Variants in ODAM observed in about 807,000 individuals in gnomAD.
The protein encoded by ODAM is odontogenic, ameloblast associated.
Under a neutral mutation model 48.5 loss-of-function variants are expected in ODAM, and 55 were observed. That is an observed-to-expected ratio of 1.13 (90% CI 0.91 to 1.42). ODAM has a LOEUF of 1.42. Among genes scored for constraint, ODAM ranks in the 40% most tolerant of loss-of-function variants. ODAM has a pLI of 0.00. For synonymous variants in ODAM, 127 were observed against 107.8 expected (o/e 1.18, Z -1.10); for missense variants, 353 against 323.6 (o/e 1.09, Z -0.70).
At chr4:70,203,572 A>G (rs1156427977) in intron 11 of ODAM, among the ~76,000 whole-genome samples, 1 of 151,940 alleles carries the variant, frequency 6.6e-6, no homozygotes, top group Non-Finnish European at 1.5e-5. Context: ...ATATATCTGT[A>G]TTAGTTTGAA....
At chr4:70,197,445 T>C in intron 4 of ODAM, 124 bp downstream of exon 4, 1 of 711,688 alleles carries the variant, frequency 1.4e-6, no homozygotes, top group Non-Finnish European at 2.5e-6. Context: ...ACATTATGAA[T>C]TTGTCTCATA....
At chr4:70,204,037 T>C (rs1332986406) in intron 11 of ODAM, 138 bp from the exon 12 acceptor site, 3 of 152,042 alleles carry the variant, frequency 2.0e-5, no homozygotes, top group Non-Finnish European at 4.4e-5. Flanking sequence ...AGTATTTTTA[T>C]GACCTTTTTT....
chr4:70,197,343 C>A, intron 4 of ODAM, 22 bp downstream of exon 4: 1 of 1,272,814 alleles, frequency 7.9e-7, no homozygotes, highest in Non-Finnish European at 1.1e-6. Flanking sequence ...TCAATAATTA[C>A]TTTATGGGGA....
Position 70,198,078 on chromosome 4 carries a change from T to C in ODAM, c.296T>C (p.Phe99Ser), listed in dbSNP as rs773481430. ...NQIPLTGEAS[F>S]AQGAQAGQVD... The stretch of plus-strand genomic sequence containing the variant: ...ATACCCTTAACAGGAGAGGCCAGTT[T>C]TGCCCAAGGAGCCCAGGCAGGCCAA... The change falls in exon 5 of 12, where the codon TTT (phenylalanine) becomes TCT (serine). Residue 99 changes from phenylalanine (F) to serine (S), a missense_variant. Transcript: ENST00000683306. 37 of 1,613,238 alleles carry C rather than the reference T, an allele frequency of 2.3e-5. No homozygotes were observed. Among genetic ancestry groups the C allele is most frequent in the Non-Finnish European group, 2.9e-5 (34 of 1,179,546 alleles).
At chr4:70,199,728 T>G (rs545184419) in intron 6 of ODAM, among the ~76,000 whole-genome samples, 1 of 152,166 alleles carries the variant, frequency 6.6e-6, no homozygotes, top group South Asian at 2.1e-4. Context: ...TGAGTTTGAT[T>G]CTTAGCCAGG....
At position 70,203,002 on chromosome 4, in the gene ODAM, A is replaced by G. The variant is rs181145426; in HGVS notation, c.810+85A>G. 174 of 1,400,092 alleles carry G rather than the reference A, an allele frequency of 1.2e-4. 1 individual carries two copies. The East Asian group carries it at 3.1e-3, about 25-fold the overall frequency. 86.7% of individuals were successfully genotyped at this position (1,400,092 alleles called of 1,614,324 possible). On this transcript the variant is annotated intron_variant, in intron 10 of 11. Coordinates refer to ENST00000683306, the MANE Select transcript of ODAM (RefSeq NM_017855.4). ...TAAAATTAGTGCTTTAATTTATAGG[A>G]CTTAGTCATGAAATTAAGAAGATAA...
chr4:70,201,358 T>C, intron 7 of ODAM, 96 bp from the exon 8 acceptor site: 1 of 605,262 alleles, frequency 1.7e-6, no homozygotes, highest in Non-Finnish European at 2.9e-6. Flanking sequence ...TTTTAACTTA[T>C]ATAAAAAGAT....
intron 11 of ODAM, among the ~76,000 whole-genome samples, chr4:70,203,884 G>A (rs568552232): frequency 3.5e-4 from 53 of 151,954 alleles, no homozygotes; most frequent in African/African-American, 1.1e-3. Flanking sequence ...AAATGAGCAC[G>A]CAGCATTCTT....
intron 9 of ODAM, 139 bp downstream of exon 9, chr4:70,202,468 C>T: frequency 2.6e-6 from 2 of 768,280 alleles, no homozygotes; most frequent in Non-Finnish European, 4.4e-6. Flanking sequence ...AATATTTTGC[C>T]AGTAAAGATT....
rs1016736080 is a variant in ODAM at position 70,204,212 on chromosome 4, G to A, written c.*67G>A. 2 of 151,760 alleles carry A rather than the reference G, an allele frequency of 1.3e-5. No individual in the cohort carries two copies. Among genetic ancestry groups the A allele is most frequent in the African/African-American group, 4.8e-5 (2 of 41,316 alleles). 9.4% of individuals were successfully genotyped at this position (151,760 alleles called of 1,614,324 possible). A position where few individuals can be genotyped will look rare whatever the true frequency, so the allele number is the denominator to read the frequency against. ...GGCCATGCCTTGGATATAATTTTAG[G>A]CTATTAGCTTCCTCAATACTAGTAT... On this transcript the variant is annotated 3_prime_UTR_variant, in exon 12 of 12. Transcript: ENST00000683306.
At chr4:70,197,132 T>C (rs1049187668) in intron 3 of ODAM, 142 bp from the exon 4 acceptor site, 6 of 614,778 alleles carry the variant, frequency 9.8e-6, no homozygotes, top group Admixed American at 3.0e-5. Flanking sequence ...TGTAATTTAA[T>C]GTAAGCCTAG....
intron 2 of ODAM, 33 bp from the exon 3 acceptor site, chr4:70,196,659 T>A (rs756956184): frequency 1.2e-6 from 2 of 1,602,576 alleles, no homozygotes; most frequent in Non-Finnish European, 1.7e-6. Context: ...TTCTTTTTAC[T>A]ATTTCTGATT....
intron 9 of ODAM, 115 bp from the exon 10 acceptor site, chr4:70,202,641 C>CTT (rs3841634): frequency 1.4e-6 from 1 of 735,546 alleles, no homozygotes; most frequent in Non-Finnish European, 2.2e-6. Flanking sequence ...AATAGCAACT[C>CTT]TTTTTTTAAT....
At position 70,196,553 on chromosome 4, in the gene ODAM, A is replaced by G. The variant is rs1359371321; in HGVS notation, c.10A>G (p.Ile4Val). 10 of 1,584,826 alleles carry G rather than the reference A, an allele frequency of 6.3e-6. No individual in the cohort carries two copies. Among genetic ancestry groups the G allele is most frequent in the Non-Finnish European group, 8.6e-6 (10 of 1,158,938 alleles). The change falls in exon 2 of 12, where the codon ATA (isoleucine) becomes GTA (valine). Residue 4 changes from isoleucine to valine, a missense_variant. Transcript: ENST00000683306. MKIIILLGFLGATL... is the reference protein window; with the variant it reads MKIVILLGFLGATL... ...GATATATCATACGAAAATGAAAATTATAATTCTTCTTGGATTCCTGGGAGC... is the reference window on the plus strand; with the variant it reads ...GATATATCATACGAAAATGAAAATTGTAATTCTTCTTGGATTCCTGGGAGC...
intron 4 of ODAM, chr4:70,197,635 G>C (rs1219662104): frequency 1.3e-5 from 7 of 540,786 alleles, no homozygotes; most frequent in African/African-American, 1.9e-5. Context: ...CAGGTTTAGG[G>C]TTAAGGTAGG....
At chr4:70,197,526 C>A (rs965248512) in intron 4 of ODAM, among the ~76,000 whole-genome samples, 2 of 151,950 alleles carry the variant, frequency 1.3e-5, no homozygotes, top group Non-Finnish European at 1.5e-5. Context: ...TTATTGAGAA[C>A]TTGGTATATG....
rs1560482458 is a variant in ODAM, at chr4:70,196,696, T to C, written c.56T>C (p.Ile19Thr). 8.7e-6 allele frequency: 14 copies of C among 1,608,192 alleles called. No homozygotes were observed. The highest frequency in any genetic ancestry group is 1.2e-5 in the Non-Finnish European group (14 of 1,177,004). ...FLGATLSAPL[I>T]PQRLMSASNS... The stretch of plus-strand genomic sequence containing the variant: ...TTTTTTCATTTTTACTTTTAGCTTA[T>C]CCCACAGCGTCTCATGTCTGCCAGC... Residue 19 changes from isoleucine to threonine, a missense_variant, in exon 3 of 12, where the codon ATC becomes ACC. Transcript: ENST00000683306.
At position 70,202,820 on chromosome 4, in the gene ODAM, G is replaced by A; in HGVS notation, c.713G>A (p.Gly238Glu). 1 of 1,611,958 alleles carries A rather than the reference G, an allele frequency of 6.2e-7. No individual in the cohort carries two copies. Among genetic ancestry groups the A allele is most frequent in the Non-Finnish European group, 8.5e-7 (1 of 1,178,794 alleles). Residue 238 changes from glycine (G) to glutamate (E), a missense_variant, in exon 10 of 12, where the codon GGA becomes GAA. Coordinates refer to ENST00000683306, the MANE Select transcript of ODAM (RefSeq NM_017855.4). ...EAINFRHDSA[G>E]VFMPSTSPKP... ...ATCAACTTTAGACATGACAGTGCAG[G>A]AGTTTTCATGCCCTCAACTTCACCA...
Position 70,198,216 on chromosome 4 carries a change from A to AATGAAT in ODAM, c.375+66_375+71dup, listed in dbSNP as rs1729421911. On this transcript the variant is annotated intron_variant, in intron 5 of 11. Coordinates refer to ENST00000683306, the MANE Select transcript of ODAM (RefSeq NM_017855.4). ...GAGAGAACTGCATGTTTAATCTGAC[A>AATGAAT]ATGAATATGAATCAGCTTTGAAATA... 4 of 1,363,784 alleles carry AATGAAT rather than the reference A, an allele frequency of 2.9e-6. No individual in the cohort carries two copies. In the South Asian group the frequency reaches 5.1e-5, roughly 17 times the overall value. 84.5% of individuals were successfully genotyped at this position (1,363,784 alleles called of 1,614,324 possible).
Sources: gnomAD v4.1 joint callset for allele counts (sites outside exome capture counted in the v4.1 genomes callset) on GRCh38, gnomAD v4.1.1 for gene constraint, MANE v1.5 for transcripts, NCBI Gene and HGNC (gene_info 2026-07-23, HGNC 2026-07-21) for gene names.